PUF60: variants seen among roughly 807,000 people sequenced by gnomAD.
The protein encoded by PUF60 is poly(U) binding splicing factor 60, also known as poly(U)-binding-splicing factor PUF60.
A neutral mutation model predicts 61.8 loss-of-function variants in PUF60; 10 were observed. The ratio of observed to expected loss-of-function variants is 0.16; its 90% confidence interval spans 0.10 to 0.27. The LOEUF (loss-of-function observed/expected upper bound fraction) is 0.27, where lower values mean the gene tolerates loss of function less well. PUF60 is among the 10% of genes least tolerant of loss of function. The pLI, the probability that PUF60 is intolerant of heterozygous loss-of-function variation, is 1.00. For synonymous variants in PUF60, 353 were observed against 300.9 expected (o/e 1.17, Z -1.79); for missense variants, 371 against 754.0 (o/e 0.49, Z 5.95).
chr8:143,827,604 AC>A, intron 1 of PUF60: 1 of 365,080 alleles, frequency 2.7e-6, no homozygotes, highest in Non-Finnish European at 5.5e-6. Flanking sequence ...GGAACAGATA[AC>A]CCTTCTAGAA....
At chr8:143,820,349 C>A (rs975099632) in intron 5 of PUF60, 1 of 449,210 alleles carries the variant, frequency 2.2e-6, no homozygotes, top group Non-Finnish European at 4.0e-6. Flanking sequence ...CGTGGGCACA[C>A]CCCGTGCGTG....
In PUF60 at chr8:143,818,991, G is replaced by C. The variant is rs1816705145; in HGVS notation, c.349-457C>G. 1.2e-5 allele frequency: 2 copies of C among 171,246 alleles called. No homozygotes were observed. The highest frequency in any genetic ancestry group is 4.8e-5 in the African/African-American group (2 of 42,016). 10.6% of individuals were successfully genotyped at this position (171,246 alleles called of 1,614,324 possible). A position where few individuals can be genotyped will look rare whatever the true frequency, so the allele number is the denominator to read the frequency against. ...GTGGCCAGAAGAGAGGAGGTCAGAA[G>C]ACAGGGCAGCCACTGCCCAGAAGAG... On this transcript the variant is annotated intron_variant, in intron 5 of 11. Coordinates refer to ENST00000526683, the MANE Select transcript of PUF60 (RefSeq NM_078480.3). This position sits in a 1 kb window ranked among gnomAD's most constrained non-coding sequence, Gnocchi z 7.9.
chr8:143,817,176 A>T lies in PUF60; in HGVS notation c.1145-31T>A. ...GGAAAACCAACCAGGTCCATCAGTC[A>T]CTCCCTACCACCCCCCTTCCCAGAA... On this transcript the variant is annotated intron_variant, in intron 10 of 11. Coordinates refer to ENST00000526683, the MANE Select transcript of PUF60 (RefSeq NM_078480.3). This position sits in a 1 kb window ranked among gnomAD's most constrained non-coding sequence, Gnocchi z 7.4. 1 of 1,547,106 alleles carries T rather than the reference A, an allele frequency of 6.5e-7. No individual in the cohort carries two copies. The highest frequency in any genetic ancestry group is 1.4e-5 in the African/African-American group (1 of 73,338).
rs1341910971 is a variant in PUF60, at chr8:143,824,309, G to T, written c.111+4C>A. ...CTGAGGGAGAGGATGCTTAAGGTCA[G>T]TACCTGTGGAGGTTTCCATTTGTCT... On this transcript the variant is annotated splice_donor_region_variant and intron_variant, in intron 2 of 11. Transcript: ENST00000526683. 2 of 1,608,232 alleles carry T rather than the reference G, an allele frequency of 1.2e-6. No individual in the cohort carries two copies. Among genetic ancestry groups the T allele is most frequent in the African/African-American group, 2.7e-5 (2 of 74,768 alleles).
In PUF60 at chr8:143,817,313, G is replaced by C. The variant is rs765323390; in HGVS notation, c.1144+18C>G. 1 of 1,577,890 alleles carries C rather than the reference G, an allele frequency of 6.3e-7. No homozygotes were observed. Among genetic ancestry groups the C allele is most frequent in the South Asian group, 1.2e-5 (1 of 86,086 alleles). The stretch of plus-strand genomic sequence containing the variant: ...CCAGGACAGGAGAGGAGAGGATCTG[G>C]TACCACTTAAGACTCACCTGTGATG... On this transcript the variant is annotated intron_variant, in intron 10 of 11. Coordinates refer to ENST00000526683, the MANE Select transcript of PUF60 (RefSeq NM_078480.3). The surrounding 1 kb of genome is among the most constrained non-coding windows in gnomAD (Gnocchi z 7.4).
At chr8:143,822,820 G>A in intron 2 of PUF60, 1 of 337,454 alleles carries the variant, frequency 3.0e-6, no homozygotes, top group South Asian at 2.3e-5. Flanking sequence ...CAGCATGCCT[G>A]CGCCTGTCCT....
Position 143,817,915 on chromosome 8 carries a change from C to T in PUF60, c.764G>A (p.Cys255Tyr), listed in dbSNP as rs1226186617. 6.2e-7 allele frequency: 1 copy of T among 1,612,852 alleles called. No individual in the cohort carries two copies. Residue 255 changes from cysteine to tyrosine, a missense_variant, in exon 8 of 12, where the codon TGC (cysteine) becomes TAC (tyrosine). Cys to Tyr is a radical substitution (Grantham distance 194). Transcript: ENST00000526683. This position sits in a 1 kb window ranked among gnomAD's most constrained non-coding sequence, Gnocchi z 7.4. ...VFEAFGKIKSCTLARDPTTGK... is the reference protein window; with the variant it reads ...VFEAFGKIKSYTLARDPTTGK... The stretch of plus-strand genomic sequence containing the variant: ...AGTTGTGGGGTCCCGGGCCAGTGTG[C>T]AGGACTTGATCTTGCCAAAGGCCTC...
rs1051445781 is a variant in PUF60 at position 143,817,254 on chromosome 8, G to A, written c.1144+77C>T. On this transcript the variant is annotated intron_variant, in intron 10 of 11. Coordinates refer to ENST00000526683, the MANE Select transcript of PUF60 (RefSeq NM_078480.3). The surrounding 1 kb of genome is among the most constrained non-coding windows in gnomAD (Gnocchi z 7.4). ...CAGAGGGTTGTGCCCAGACCACCAG[G>A]GCCAGGCAGCTGAGGGCAGCGAGCC... is the stretch of plus-strand genomic sequence containing the variant. 23 of 1,534,798 alleles carry A rather than the reference G, an allele frequency of 1.5e-5. No homozygotes were observed. The Admixed American group carries it at 3.5e-4, about 23-fold the overall frequency.
chr8:143,822,821 C>T (rs1257474547), intron 2 of PUF60: 10 of 336,100 alleles, frequency 3.0e-5, no homozygotes, highest in Admixed American at 1.2e-4. Context: ...AGCATGCCTG[C>T]GCCTGTCCTC....
At chr8:143,820,387 G>T in intron 5 of PUF60, 1 of 538,024 alleles carries the variant, frequency 1.9e-6, no homozygotes, top group South Asian at 2.1e-5. Context: ...GACGGGCCTG[G>T]TGCTGGCAGC....
rs1816424583 is a variant in PUF60 at position 143,817,157 on chromosome 8, C to G, written c.1145-12G>C. The G allele has an allele frequency of 6.3e-7, 1 of 1,578,644 alleles. No individual in the cohort carries two copies. Among genetic ancestry groups the G allele is most frequent in the African/African-American group, 1.3e-5 (1 of 74,344 alleles). ...GGCTGGGGTCACACCTGCAGGAAAA[C>G]CAACCAGGTCCATCAGTCACTCCCT... On this transcript the variant is annotated splice_polypyrimidine_tract_variant and intron_variant, in intron 10 of 11. Transcript: ENST00000526683. The surrounding 1 kb of genome is among the most constrained non-coding windows in gnomAD (Gnocchi z 7.4).
chr8:143,826,265 A>C (rs1817624016), intron 1 of PUF60, among the ~76,000 whole-genome samples: 1 of 152,182 alleles, frequency 6.6e-6, no homozygotes, highest in African/African-American at 2.4e-5. Context: ...CAGAGCAAAG[A>C]AGAGTATTTC....
intron 2 of PUF60, 82 bp downstream of exon 2, chr8:143,824,231 T>A: frequency 7.1e-7 from 1 of 1,416,832 alleles, no homozygotes; most frequent in Non-Finnish European, 9.7e-7. Context: ...CAGCCCTCTC[T>A]GGGCCCAGGG....
At position 143,820,669 on chromosome 8, in the gene PUF60, T is replaced by C. The variant is rs1816906801; in HGVS notation, c.345A>G (p.Gln115=). 3.1e-6 allele frequency: 5 copies of C among 1,612,436 alleles called. No individual in the cohort carries two copies. Among genetic ancestry groups the C allele is most frequent in the South Asian group, 1.1e-5 (1 of 91,074 alleles). Reference sequence around the variant, plus strand: ...AGAAGTGAGCATTTCTATTGACCGATTGCAAAGGTGAGAGAGGATCTCCAA... The same window carrying C: ...AGAAGTGAGCATTTCTATTGACCGACTGCAAAGGTGAGAGAGGATCTCCAA... ...MGFGDPLSPL[Q]SMAAQRQRAL... Residue 115 remains glutamine, a synonymous_variant, in exon 5 of 12, where the codon CAA becomes CAG. Coordinates refer to ENST00000526683, the MANE Select transcript of PUF60 (RefSeq NM_078480.3).
intron 1 of PUF60, chr8:143,827,242 T>C: frequency 2.6e-6 from 1 of 392,110 alleles, no homozygotes; most frequent in Non-Finnish European, 5.1e-6. Flanking sequence ...GGCCTCTCTA[T>C]GAGGTGACAT....
chr8:143,821,545 G>A, intron 4 of PUF60, 52 bp downstream of exon 4: 1 of 1,418,616 alleles, frequency 7.0e-7, no homozygotes, highest in Non-Finnish European at 9.6e-7. Context: ...GTGAAGAGGA[G>A]GAGATGGTGG....
intron 2 of PUF60, 73 bp from the exon 3 acceptor site, chr8:143,821,986 C>T: frequency 2.6e-6 from 3 of 1,152,258 alleles, no homozygotes; most frequent in South Asian, 1.5e-5. Context: ...GAGGGCCACC[C>T]CTAGCACAGA....
At chr8:143,826,958 C>A (rs1817700069) in intron 1 of PUF60, 1 of 199,328 alleles carries the variant, frequency 5.0e-6, no homozygotes, top group South Asian at 6.9e-5. Context: ...TGTCAGATAC[C>A]CAGGGCAGAG....
intron 4 of PUF60, 31 bp from the exon 5 acceptor site, chr8:143,820,747 G>A (rs1816910478): frequency 6.2e-7 from 1 of 1,602,682 alleles, no homozygotes; most frequent in Non-Finnish European, 8.5e-7. Flanking sequence ...AGTTCAGTCT[G>A]TTGGAGCCGA....
Sources: gnomAD v4.1 joint callset for allele counts (sites outside exome capture counted in the v4.1 genomes callset) on GRCh38, gnomAD v4.1.1 for gene constraint, Gnocchi (gnomAD v3.1) non-coding constraint, MANE v1.5 for transcripts, NCBI Gene and HGNC (gene_info 2026-07-23, HGNC 2026-07-21) for gene names.